MAPKAP1: variants seen among roughly 807,000 people sequenced by gnomAD.
MAPKAP1 encodes MAPK associated protein 1, also known as target of rapamycin complex 2 subunit MAPKAP1.
In MAPKAP1, 20 loss-of-function variants were observed where a neutral mutation model predicts 65.7. The observed-to-expected ratio is 0.30, with a 90% CI of 0.21 to 0.44. The LOEUF is 0.44. Among genes scored for constraint, MAPKAP1 ranks in the 20% least tolerant of loss-of-function variants. MAPKAP1 has a pLI of 1.00. For missense variants in MAPKAP1, 423 were observed against 648.0 expected, an observed-to-expected ratio of 0.65 and a Z score of 3.77; for synonymous variants, 222 against 244.3, an observed-to-expected ratio of 0.91 and a Z score of 0.85.
At chr9:125,530,304 G>C (rs1365558183) in intron 7 of MAPKAP1, among the ~76,000 whole-genome samples, 1 of 152,206 alleles carries the variant, frequency 6.6e-6, no homozygotes, top group African/African-American at 2.4e-5. Flanking sequence ...GGAGGCTGGA[G>C]AGATGTAATG....
Position 125,595,817 on chromosome 9 carries a change from AC to A in MAPKAP1, c.499-10091del. 8.8e-7 allele frequency: 1 copy of A among 1,134,946 alleles called. No individual in the cohort carries two copies. Among genetic ancestry groups the A allele is most frequent in the South Asian group, 1.2e-5 (1 of 81,322 alleles). 70.3% of individuals were successfully genotyped at this position (1,134,946 alleles called of 1,614,324 possible). A position where few individuals can be genotyped will look rare whatever the true frequency, so the allele number is the denominator to read the frequency against. On this transcript the variant is annotated intron_variant, in intron 4 of 11. Coordinates refer to ENST00000265960, the MANE Select transcript of MAPKAP1 (RefSeq NM_001006617.3). The surrounding 1 kb of genome is among the most constrained non-coding windows in gnomAD (Gnocchi z 4.0). ...CTGTGTGGTAATGAAAGATTCCAAC[AC>A]CAAGCGTTCCGGGGGTTTTGGGTTT...
intron 1 of MAPKAP1, among the ~76,000 whole-genome samples, chr9:125,698,293 ATATATATATATATAT>A (rs1835468358): frequency 7.8e-4 from 3 of 3,838 alleles, no homozygotes; most frequent in Non-Finnish European, 1.7e-3. Flanking sequence ...ATATAAATAT[ATATATATATATATAT>A]ATATATATAT....
At chr9:125,591,443 A>G (rs1001604646) in intron 4 of MAPKAP1, among the ~76,000 whole-genome samples, 1 of 152,242 alleles carries the variant, frequency 6.6e-6, no homozygotes, top group Non-Finnish European at 1.5e-5. Flanking sequence ...TGGTACTCAT[A>G]TGAGTAACAC....
chr9:125,462,686 T>C (rs889454915), intron 10 of MAPKAP1, among the ~76,000 whole-genome samples: 2 of 152,354 alleles, frequency 1.3e-5, no homozygotes, highest in Admixed American at 6.5e-5. Context: ...CCTATGAACA[T>C]TCTTAATACT....
At position 125,569,698 on chromosome 9, in the gene MAPKAP1, A is replaced by C. The variant is rs138088552; in HGVS notation, c.672-9889T>G. On this transcript the variant is annotated intron_variant, in intron 5 of 11. Coordinates refer to ENST00000265960, the MANE Select transcript of MAPKAP1 (RefSeq NM_001006617.3). The stretch of plus-strand genomic sequence containing the variant: ...CCCCTTTCCTGGCCCTGTTCTTCCA[A>C]GGACTCCACCCTAAAGCCAGTAATC... Among the ~76,000 whole-genome samples, 67 of 152,330 alleles carry C rather than the reference A, an allele frequency of 4.4e-4. No individual in the cohort carries two copies. The East Asian group carries it at 4.6e-3, about 11-fold the overall frequency.
chr9:125,626,990 G>A (rs1833137023), intron 4 of MAPKAP1, among the ~76,000 whole-genome samples: 1 of 152,122 alleles, frequency 6.6e-6, no homozygotes, highest in South Asian at 2.1e-4. Flanking sequence ...AAGGTTTAGA[G>A]AAAAGTGATT....
At chr9:125,628,530 G>T (rs571057109) in intron 4 of MAPKAP1, among the ~76,000 whole-genome samples, 1 of 152,206 alleles carries the variant, frequency 6.6e-6, no homozygotes, top group African/African-American at 2.4e-5. Context: ...ACATACAAAA[G>T]AACGAAGGTG....
intron 1 of MAPKAP1, among the ~76,000 whole-genome samples, chr9:125,674,253 A>C (rs1374126798): frequency 6.6e-6 from 1 of 152,188 alleles, no homozygotes; most frequent in African/African-American, 2.4e-5. Context: ...AATTAAATAA[A>C]TGTTAGCTAT....
At chr9:125,693,324 G>A (rs1835224401) in intron 1 of MAPKAP1, among the ~76,000 whole-genome samples, 1 of 151,538 alleles carries the variant, frequency 6.6e-6, no homozygotes, top group African/African-American at 2.4e-5. Flanking sequence ...TGAGGCAGGA[G>A]AATCGCTTGA....
At chr9:125,448,528 G>A (rs1852805060) in intron 10 of MAPKAP1, among the ~76,000 whole-genome samples, 1 of 152,236 alleles carries the variant, frequency 6.6e-6, no homozygotes, top group Admixed American at 6.5e-5. Flanking sequence ...AGAAGAGGAA[G>A]AGGGGGCCAA....
chr9:125,707,149 T>C lies in MAPKAP1; in HGVS notation c.-248A>G, dbSNP rs1835790788. ...CTTCCCGGGTTAGCCCTCATGCCCC[T>C]GCTGCTCGCCGCCGCCGGCCGGCCG... On this transcript the variant is annotated 5_prime_UTR_variant, in exon 1 of 12. Coordinates refer to ENST00000265960, the MANE Select transcript of MAPKAP1 (RefSeq NM_001006617.3). 3 of 398,052 alleles carry C rather than the reference T, an allele frequency of 7.5e-6. No homozygotes were observed. The highest frequency in any genetic ancestry group is 1.3e-4 in the South Asian group (1 of 7,858). 24.7% of individuals were successfully genotyped at this position (398,052 alleles called of 1,614,324 possible).
At chr9:125,641,321 A>G (rs1833571064) in intron 4 of MAPKAP1, among the ~76,000 whole-genome samples, 2 of 152,244 alleles carry the variant, frequency 1.3e-5, no homozygotes, top group Admixed American at 1.3e-4. Context: ...CTTAATCAAG[A>G]AAAGATAATT....
At chr9:125,501,004 C>T (rs1466755101) in intron 8 of MAPKAP1, among the ~76,000 whole-genome samples, 1 of 152,224 alleles carries the variant, frequency 6.6e-6, no homozygotes, top group Admixed American at 6.5e-5. Context: ...TTTCCTTTGG[C>T]TCACTATGGT....
In MAPKAP1 at chr9:125,707,137, C is replaced by T; in HGVS notation, c.-236G>A. 2 of 398,274 alleles carry T rather than the reference C, an allele frequency of 5.0e-6. No homozygotes were observed. Among genetic ancestry groups the T allele is most frequent in the Non-Finnish European group, 8.9e-6 (2 of 225,810 alleles). The allele number at this position is 398,274 out of a possible 1,614,324, so 24.7% of individuals were successfully genotyped here. On this transcript the variant is annotated 5_prime_UTR_variant, in exon 1 of 12. Coordinates refer to ENST00000265960, the MANE Select transcript of MAPKAP1 (RefSeq NM_001006617.3). ...GCTCAGCTGCCGCTTCCCGGGTTAG[C>T]CCTCATGCCCCTGCTGCTCGCCGCC...
intron 4 of MAPKAP1, among the ~76,000 whole-genome samples, chr9:125,639,453 AAT>A (rs1184334947): frequency 6.6e-6 from 1 of 152,248 alleles, no homozygotes; most frequent in African/African-American, 2.4e-5. Context: ...AAGCACTCAG[AAT>A]TGTGCCTGGC....
At chr9:125,508,043 G>A (rs1829195044) in intron 7 of MAPKAP1, among the ~76,000 whole-genome samples, 1 of 152,086 alleles carries the variant, frequency 6.6e-6, no homozygotes, top group Non-Finnish European at 1.5e-5. Context: ...GTGCGCACCT[G>A]TAGTCCCAGC....
chr9:125,584,494 A>G (rs938890137), intron 5 of MAPKAP1, among the ~76,000 whole-genome samples: 1 of 152,160 alleles, frequency 6.6e-6, no homozygotes, highest in Non-Finnish European at 1.5e-5. Context: ...GCTGGAGTGC[A>G]GTGGCGCGAT....
chr9:125,445,149 G>A (rs578258373), intron 10 of MAPKAP1, among the ~76,000 whole-genome samples: 1 of 152,122 alleles, frequency 6.6e-6, no homozygotes, highest in Admixed American at 6.5e-5. Flanking sequence ...TGGGGGCGGG[G>A]GGGGCACCAT....
chr9:125,529,859 A>G (rs1829884547), intron 7 of MAPKAP1, among the ~76,000 whole-genome samples: 2 of 152,242 alleles, frequency 1.3e-5, no homozygotes, highest in Admixed American at 6.5e-5. Flanking sequence ...GTCTCAGGAC[A>G]TTATTGTCAT....
Sources: allele counts gnomAD v4.1 joint callset (sites outside exome capture counted in the v4.1 genomes callset), GRCh38; gene constraint gnomAD v4.1.1; non-coding constraint Gnocchi (gnomAD v3.1); transcripts MANE v1.5; gene names NCBI Gene and HGNC (gene_info 2026-07-23, HGNC 2026-07-21).